Variants in DCLK3 observed in about 807,000 individuals in gnomAD.
The protein encoded by DCLK3 is serine/threonine-protein kinase DCLK3.
A neutral mutation model predicts 46.4 loss-of-function variants in DCLK3; 30 were observed. That is an observed-to-expected ratio of 0.65 (90% confidence interval 0.48 to 0.88). The LOEUF is 0.88. Ranked by LOEUF, DCLK3 falls within the 40% of genes least tolerant of loss-of-function variation. The pLI is 0.00. For synonymous variants in DCLK3, 401 were observed against 339.2 expected (o/e 1.18, Z -2.00); for missense variants, 846 against 907.1 (o/e 0.93, Z 0.87).
At chr3:36,715,586 A>G in intron 4 of DCLK3, 65 bp from the exon 5 acceptor site, 1 of 1,487,852 alleles carries the variant, frequency 6.7e-7, no homozygotes, top group South Asian at 1.4e-5. Flanking sequence ...TCTTCCCCAC[A>G]CATGAAATAA....
chr3:36,748,302 C>T (rs1701410478), intron 1 of DCLK3, among the ~76,000 whole-genome samples: 1 of 152,156 alleles, frequency 6.6e-6, no homozygotes, highest in African/African-American at 2.4e-5. Context: ...CCCTGTGCTC[C>T]CAATCCCAGA....
chr3:36,763,030 T>A (rs190590720), intron 1 of DCLK3, among the ~76,000 whole-genome samples: 1 of 152,192 alleles, frequency 6.6e-6, no homozygotes, highest in East Asian at 1.9e-4. Flanking sequence ...AGATGCCTCA[T>A]TGATCAAGAT....
intron 2 of DCLK3, among the ~76,000 whole-genome samples, chr3:36,731,183 A>T (rs1410925272): frequency 6.6e-6 from 1 of 152,160 alleles, no homozygotes; most frequent in Admixed American, 6.5e-5. Context: ...TTTGGACTGT[A>T]GGTGTTTCCT....
At chr3:36,722,432 C>T (rs1701072894) in intron 2 of DCLK3, among the ~76,000 whole-genome samples, 1 of 152,172 alleles carries the variant, frequency 6.6e-6, no homozygotes, top group African/African-American at 2.4e-5. Flanking sequence ...ACCCCATTCT[C>T]CATGATGTAA....
chr3:36,743,064 C>A (rs1289069506), intron 1 of DCLK3, among the ~76,000 whole-genome samples: 3 of 152,030 alleles, frequency 2.0e-5, no homozygotes, highest in South Asian at 2.1e-4. Context: ...CAATTTTGAA[C>A]CATAAAAAAA....
At chr3:36,718,205 C>T in intron 3 of DCLK3, 28 bp from the exon 4 acceptor site, 1 of 1,612,900 alleles carries the variant, frequency 6.2e-7, no homozygotes, top group Non-Finnish European at 8.5e-7. Flanking sequence ...GAGACACAAG[C>T]AAACCTGAGA....
In DCLK3 at chr3:36,718,002, A is replaced by G. The variant is rs1701006076; in HGVS notation, c.2260+8T>C. The G allele has an allele frequency of 6.2e-7, 1 of 1,614,096 alleles. No individual in the cohort carries two copies. Among genetic ancestry groups the G allele is most frequent in the East Asian group, 2.2e-5 (1 of 44,874 alleles). On this transcript the variant is annotated splice_region_variant and intron_variant, in intron 4 of 4. Coordinates refer to ENST00000636136, the MANE Select transcript of DCLK3 (RefSeq NM_001394672.2). ...TCCTCTGCTGTGTGAGGAAGCCCCA[A>G]ATCTCACCATCAGAGATATTGTCCC...
intron 1 of DCLK3, among the ~76,000 whole-genome samples, chr3:36,749,555 A>C (rs1308823956): frequency 6.6e-6 from 1 of 152,226 alleles, no homozygotes; most frequent in Non-Finnish European, 1.5e-5. Context: ...CTTTGGCTTC[A>C]ATGGATCTTA....
chr3:36,761,823 C>A (rs778053969), intron 1 of DCLK3, among the ~76,000 whole-genome samples: 1 of 152,252 alleles, frequency 6.6e-6, no homozygotes, highest in South Asian at 2.1e-4. Context: ...GCACCACCAC[C>A]CGCCTGCAGG....
At chr3:36,729,840 G>T (rs961800002) in intron 2 of DCLK3, 3 of 152,176 alleles carry the variant, frequency 2.0e-5, no homozygotes, top group Non-Finnish European at 4.4e-5. Flanking sequence ...ACATTAAAAT[G>T]CCAATACCTA....
At chr3:36,757,101 C>T (rs1302644330) in intron 1 of DCLK3, among the ~76,000 whole-genome samples, 1 of 152,050 alleles carries the variant, frequency 6.6e-6, no homozygotes, top group African/African-American at 2.4e-5. Flanking sequence ...AAAGTAAATA[C>T]CAAGTTACAT....
intron 1 of DCLK3, among the ~76,000 whole-genome samples, chr3:36,746,504 C>T (rs1002967245): frequency 1.2e-4 from 18 of 152,176 alleles, no homozygotes; most frequent in Non-Finnish European, 2.5e-4. Flanking sequence ...TCCTACTTAC[C>T]CTTGTCTAGT....
chr3:36,719,831 C>T (rs1199669309), intron 3 of DCLK3, among the ~76,000 whole-genome samples: 1 of 152,208 alleles, frequency 6.6e-6, no homozygotes, highest in Non-Finnish European at 1.5e-5. Flanking sequence ...CTTTCCAACA[C>T]CCTGTTTTAG....
Position 36,738,654 on chromosome 3 carries a change from G to T in DCLK3, c.513C>A (p.Gly171=). 7.5e-7 allele frequency: 1 copy of T among 1,325,344 alleles called. No homozygotes were observed. Among genetic ancestry groups the T allele is most frequent in the Non-Finnish European group, 9.7e-7 (1 of 1,029,470 alleles). 82.1% of individuals were successfully genotyped at this position (1,325,344 alleles called of 1,614,324 possible). ...TGCTCTTCAGTGTCAGTGGTTCTTTGCCCATAGCTATGAAAGCATCCCCTT... is the reference window on the plus strand; with the variant it reads ...TGCTCTTCAGTGTCAGTGGTTCTTTTCCCATAGCTATGAAAGCATCCCCTT... ...FREGDAFIAM[G]KEPLTLKSIQ... The change falls in exon 2 of 5, where the codon GGC becomes GGA. Residue 171 remains glycine, a synonymous_variant. Coordinates refer to ENST00000636136, the MANE Select transcript of DCLK3 (RefSeq NM_001394672.2).
At chr3:36,734,184 C>T (rs1209426735) in intron 2 of DCLK3, among the ~76,000 whole-genome samples, 1 of 152,186 alleles carries the variant, frequency 6.6e-6, no homozygotes, top group East Asian at 1.9e-4. Flanking sequence ...GTAATTATAT[C>T]AGCAACTTTA....
At chr3:36,743,863 C>A (rs1365986494) in intron 1 of DCLK3, among the ~76,000 whole-genome samples, 1 of 152,164 alleles carries the variant, frequency 6.6e-6, no homozygotes, top group Non-Finnish European at 1.5e-5. Flanking sequence ...CCCCACCAAT[C>A]CAAGCCTCAC....
In DCLK3 at chr3:36,737,977, C is replaced by T. The variant is rs982265744; in HGVS notation, c.1190G>A (p.Gly397Asp). The T allele has an allele frequency of 6.2e-7, 1 of 1,614,156 alleles. No individual in the cohort carries two copies. Among genetic ancestry groups the T allele is most frequent in the Non-Finnish European group, 8.5e-7 (1 of 1,180,026 alleles). Reference protein sequence around the residue: ...SKSMDKKEDRGPEDQESHAQG... With the variant: ...SKSMDKKEDRDPEDQESHAQG... ...AGCATGGCTTTCTTGATCCTCTGGG[C>T]CTCTGTCCTCTTTCTTGTCCATGCT... The change falls in exon 2 of 5, where the codon GGC (glycine) becomes GAC (aspartate). Residue 397 changes from glycine to aspartate, a missense_variant. Physicochemically the swap from Gly to Asp is moderately conservative, Grantham distance 94. Transcript: ENST00000636136. This position sits in a 1 kb window ranked among gnomAD's most constrained non-coding sequence, Gnocchi z 4.4.
At chr3:36,739,381 C>A (rs930544100) in intron 1 of DCLK3, among the ~76,000 whole-genome samples, 2 of 152,174 alleles carry the variant, frequency 1.3e-5, no homozygotes, top group Admixed American at 6.5e-5. Context: ...TGTGTCCCCA[C>A]CCAAATCTCA....
chr3:36,738,237 C>G lies in DCLK3; in HGVS notation c.930G>C (p.Lys310Asn), dbSNP rs751043825. The change falls in exon 2 of 5, where the codon AAG (lysine) becomes AAC (asparagine). Residue 310 changes from lysine to asparagine, a missense_variant. Transcript: ENST00000636136. The stretch of plus-strand genomic sequence containing the variant: ...GCTGGAGCTCCCTCTCTCTCTTGCA[C>G]TTCTCGCATCTGATAATTTCACCCG... ...KTSGEIIRCE[K>N]CKRERELQQS... 4 of 1,582,354 alleles carry G rather than the reference C, an allele frequency of 2.5e-6. No homozygotes were observed.
Sources: allele counts gnomAD v4.1 joint callset (sites outside exome capture counted in the v4.1 genomes callset), GRCh38; gene constraint gnomAD v4.1.1; non-coding constraint Gnocchi (gnomAD v3.1); transcripts MANE v1.5; gene names NCBI Gene and HGNC (gene_info 2026-07-23, HGNC 2026-07-21).